The following CFAP70 variants were observed in gnomAD, a reference collection of about 807,000 sequenced individuals.
CFAP70 encodes cilia- and flagella-associated protein 70.
A neutral mutation model predicts 137.6 loss-of-function variants in CFAP70; 81 were observed. The ratio of observed to expected loss-of-function variants is 0.59; its 90% confidence interval spans 0.49 to 0.71. The LOEUF (loss-of-function observed/expected upper bound fraction) is 0.71, where lower values mean the gene tolerates loss of function less well. CFAP70 is among the 30% of genes least tolerant of loss of function. CFAP70 has a pLI of 0.00. For missense variants in CFAP70, 976 were observed against 1,226.7 expected, an observed-to-expected ratio of 0.80 and a Z score of 3.05; for synonymous variants, 382 against 423.6, an observed-to-expected ratio of 0.90 and a Z score of 1.20.
At chr10:73,318,938 C>T (rs1264251031) in intron 9 of CFAP70, among the ~76,000 whole-genome samples, 2 of 152,290 alleles carry the variant, frequency 1.3e-5, no homozygotes, top group African/African-American at 2.4e-5. Flanking sequence ...CTTCTACGAG[C>T]AGTGAATGAA....
chr10:73,340,592 T>C (rs1038532705), intron 6 of CFAP70, among the ~76,000 whole-genome samples: 11 of 152,192 alleles, frequency 7.2e-5, no homozygotes, highest in Admixed American at 1.3e-4. Flanking sequence ...CCCTGGCTGT[T>C]CATGCTGAGG....
At chr10:73,328,401 G>A (rs1409881743) in intron 8 of CFAP70, among the ~76,000 whole-genome samples, 16 of 151,324 alleles carry the variant, frequency 1.1e-4, no homozygotes, top group Non-Finnish European at 2.4e-4. Flanking sequence ...AGAAAACCTA[G>A]GCATTACCAT....
exon 26 of CFAP70, chr10:73,256,373 A>G (rs984643993): frequency 5.5e-5 from 88 of 1,613,988 alleles, no homozygotes; most frequent in Non-Finnish European, 7.5e-5. Context: ...TCATACCTTG[A>G]TCATGTACTT....
At chr10:73,318,122 G>A (rs1024377578) in intron 9 of CFAP70, among the ~76,000 whole-genome samples, 5 of 152,182 alleles carry the variant, frequency 3.3e-5, no homozygotes, top group African/African-American at 9.7e-5. Flanking sequence ...TTGAGCTAAA[G>A]GTGAGGGTGG....
At chr10:73,358,694 A>G (rs2054867421) in intron 1 of CFAP70, 84 bp downstream of exon 1, 1 of 152,540 alleles carries the variant, frequency 6.6e-6, no homozygotes, top group African/African-American at 2.4e-5. Flanking sequence ...GAGTTTCTTC[A>G]GGAGGGATCA....
intron 16 of CFAP70, 121 bp downstream of exon 17, chr10:73,293,142 C>T: frequency 9.1e-7 from 1 of 1,094,894 alleles, no homozygotes; most frequent in Non-Finnish European, 1.2e-6. Context: ...TATTTTTGGA[C>T]TTTATTGTTC....
chr10:73,337,773 G>A (rs2052816180), intron 6 of CFAP70, among the ~76,000 whole-genome samples: 1 of 152,036 alleles, frequency 6.6e-6, no homozygotes, highest in African/African-American at 2.4e-5. Context: ...GGGTGTGGTG[G>A]CGGGTGCCTG....
intron 19 of CFAP70, among the ~76,000 whole-genome samples, chr10:73,278,555 C>A (rs12256444): frequency 0.022 from 3,412 of 152,206 alleles, 115 homozygotes; most frequent in African/African-American, 0.072. Context: ...CCCAGTACAA[C>A]CATGCTGCTA....
intron 6 of CFAP70, among the ~76,000 whole-genome samples, chr10:73,336,548 A>C (rs970890630): frequency 1.3e-5 from 2 of 151,188 alleles, no homozygotes; most frequent in African/African-American, 4.9e-5. Context: ...AGCTCATTCG[A>C]GAAACATTTG....
chr10:73,311,952 TAC>T (rs1246318090), intron 10 of CFAP70, 38 bp from the exon 12 acceptor site: 1 of 1,451,452 alleles, frequency 6.9e-7, no homozygotes, highest in Non-Finnish European at 9.7e-7. Flanking sequence ...ATTGAATTCC[TAC>T]ACAGTCTTCA....
At chr10:73,357,269 G>A (rs2054751177) in intron 1 of CFAP70, among the ~76,000 whole-genome samples, 1 of 152,186 alleles carries the variant, frequency 6.6e-6, no homozygotes, top group South Asian at 2.1e-4. Flanking sequence ...CTTCAGAGAA[G>A]TTTGTTATCT....
chr10:73,278,450 T>G, intron 19 of CFAP70, 113 bp from the exon 21 acceptor site: 2 of 812,366 alleles, frequency 2.5e-6, no homozygotes, highest in Non-Finnish European at 1.9e-6. Flanking sequence ...AAATATTTCA[T>G]GAAGGACAGA....
intron 19 of CFAP70, chr10:73,279,170 A>T (rs556652912): frequency 2.0e-5 from 3 of 152,104 alleles, no homozygotes; most frequent in South Asian, 4.1e-4. Context: ...CACATTTTAA[A>T]TGGCATGTAA....
At chr10:73,259,307 A>G (rs1289021471) in intron 25 of CFAP70, among the ~76,000 whole-genome samples, 2 of 152,188 alleles carry the variant, frequency 1.3e-5, no homozygotes, top group African/African-American at 4.8e-5. Flanking sequence ...ATTTTTGCCA[A>G]TCTGATGGTT....
In CFAP70 at chr10:73,299,120, T is replaced by C. The variant is rs911002247; in HGVS notation, c.1318-19A>G. ...TCACTGCCTAAGAAAATACAAAACA[T>C]CTGGTAGACGCCTCAGAGAGGTCAA... On this transcript the variant is annotated intron_variant, in intron 13 of 26. Coordinates refer to ENST00000310715, the Ensembl canonical transcript of CFAP70. 7 of 1,586,402 alleles carry C rather than the reference T, an allele frequency of 4.4e-6. No individual in the cohort carries two copies. Among genetic ancestry groups the C allele is most frequent in the Admixed American group, 1.8e-5 (1 of 56,906 alleles).
intron 5 of CFAP70, 57 bp downstream of exon 6, chr10:73,345,008 G>T: frequency 7.1e-7 from 1 of 1,408,778 alleles, no homozygotes; most frequent in Non-Finnish European, 9.9e-7. Context: ...GGAAGAGATG[G>T]CCATATGAGT....
intron 7 of CFAP70, among the ~76,000 whole-genome samples, chr10:73,333,528 CAGA>C (rs1386776529): frequency 1.3e-5 from 2 of 151,932 alleles, no homozygotes; most frequent in African/African-American, 4.8e-5. Flanking sequence ...ACTTTACCTA[CAGA>C]AGAACAAGGA....
At chr10:73,274,111 T>C (rs1485125577) in intron 23 of CFAP70, among the ~76,000 whole-genome samples, 1 of 152,234 alleles carries the variant, frequency 6.6e-6, no homozygotes, top group Non-Finnish European at 1.5e-5. Context: ...TTGAAGCCCA[T>C]GATACCTTCT....
At chr10:73,355,245 A>T (rs1289809395) in intron 1 of CFAP70, among the ~76,000 whole-genome samples, 1 of 152,212 alleles carries the variant, frequency 6.6e-6, no homozygotes, top group African/African-American at 2.4e-5. Context: ...GCCACTCTGC[A>T]TCACCTGCAT....
Sources: gnomAD v4.1 joint callset for allele counts (sites outside exome capture counted in the v4.1 genomes callset) on GRCh38, gnomAD v4.1.1 for gene constraint, MANE v1.5 for transcripts, NCBI Gene and HGNC (gene_info 2026-07-23, HGNC 2026-07-21) for gene names.